The following PXDNL variants were observed in gnomAD, a reference collection of about 807,000 sequenced individuals.
PXDNL encodes the protein probable oxidoreductase PXDNL.
Under a neutral mutation model 150.8 loss-of-function variants are expected in PXDNL, and 145 were observed. The ratio of observed to expected loss-of-function variants is 0.96; its 90% confidence interval spans 0.84 to 1.10. The LOEUF (loss-of-function observed/expected upper bound fraction) is 1.10, where lower values mean the gene tolerates loss of function less well. Among genes scored for constraint, PXDNL ranks in the 50% least tolerant of loss-of-function variants. PXDNL has a pLI of 0.00. For missense variants in PXDNL, 2,087 were observed against 1,873.9 expected (o/e 1.11, Z -2.10); for synonymous variants, 757 against 725.7 (o/e 1.04, Z -0.69).
chr8:51,377,105 T>TACACACACACACACACACACACACAC (rs772419401), intron 17 of PXDNL, among the ~76,000 whole-genome samples: 2 of 140,702 alleles, frequency 1.4e-5, no homozygotes, highest in East Asian at 4.3e-4. Flanking sequence ...CTCTACCCTT[T>TACACACACACACACACACACACACAC]ACACACACAC....
intron 4 of PXDNL, among the ~76,000 whole-genome samples, chr8:51,544,640 CT>C (rs1812313920): frequency 6.6e-6 from 1 of 152,154 alleles, no homozygotes; most frequent in South Asian, 2.1e-4. Flanking sequence ...AAGAATAAGG[CT>C]AACAAATCCT....
chr8:51,536,079 G>A (rs1396885345), intron 4 of PXDNL, among the ~76,000 whole-genome samples: 2 of 152,170 alleles, frequency 1.3e-5, no homozygotes, highest in African/African-American at 4.8e-5. Context: ...ACAGGCACCT[G>A]ACCATCCCAG....
At chr8:51,463,321 G>A (rs1810125717) in intron 8 of PXDNL, among the ~76,000 whole-genome samples, 2 of 152,070 alleles carry the variant, frequency 1.3e-5, no homozygotes, top group African/African-American at 4.8e-5. Flanking sequence ...CCATTAAAAA[G>A]GCACAGAGTG....
chr8:51,523,248 TTATGA>T (rs781556597), intron 4 of PXDNL, among the ~76,000 whole-genome samples: 64 of 152,236 alleles, frequency 4.2e-4, no homozygotes, highest in Non-Finnish European at 8.4e-4. Context: ...ATATTCTCAC[TTATGA>T]TATAATGTTG....
chr8:51,544,131 A>G (rs1214645443), intron 4 of PXDNL, among the ~76,000 whole-genome samples: 1 of 152,218 alleles, frequency 6.6e-6, no homozygotes, highest in African/African-American at 2.4e-5. Context: ...TACCTAATCA[A>G]AAGGTCTTTA....
chr8:51,498,153 C>T (rs909741763), intron 5 of PXDNL, among the ~76,000 whole-genome samples: 1 of 151,832 alleles, frequency 6.6e-6, no homozygotes, highest in African/African-American at 2.4e-5. Flanking sequence ...AAACTGGAAA[C>T]CATCATTCTC....
intron 16 of PXDNL, among the ~76,000 whole-genome samples, chr8:51,411,027 A>G (rs1194603202): frequency 6.6e-6 from 1 of 152,246 alleles, no homozygotes; most frequent in Non-Finnish European, 1.5e-5. Context: ...CTCTATACAT[A>G]TAACTTAAAA....
At chr8:51,550,119 T>C (rs1271311790) in intron 4 of PXDNL, among the ~76,000 whole-genome samples, 1 of 152,094 alleles carries the variant, frequency 6.6e-6, no homozygotes, top group East Asian at 1.9e-4. Flanking sequence ...ACAAACCTCC[T>C]AGATTAAACC....
chr8:51,662,050 G>A (rs4291264), intron 1 of PXDNL, among the ~76,000 whole-genome samples: 100,817 of 151,924 alleles, frequency 0.66, 33,964 homozygotes, highest in Non-Finnish European at 0.72. Context: ...CCAGAAATCA[G>A]TTTAATTCCC....
intron 1 of PXDNL, among the ~76,000 whole-genome samples, chr8:51,698,204 A>C (rs1002172300): frequency 6.6e-6 from 1 of 152,216 alleles, no homozygotes; most frequent in African/African-American, 2.4e-5. Flanking sequence ...TCTTTCATGA[A>C]GAATTTCTCT....
intron 2 of PXDNL, among the ~76,000 whole-genome samples, chr8:51,622,124 CT>C (rs1336341895): frequency 6.6e-6 from 1 of 152,140 alleles, no homozygotes. Context: ...GCTTTGCTGG[CT>C]TCCAAGATGC....
chr8:51,533,627 G>C (rs916187668), intron 4 of PXDNL, among the ~76,000 whole-genome samples: 2 of 150,260 alleles, frequency 1.3e-5, no homozygotes, highest in African/African-American at 5.0e-5. Context: ...CCGAGTGCCT[G>C]CGGACGCCGC....
chr8:51,390,778 G>T (rs1807874000), intron 17 of PXDNL, among the ~76,000 whole-genome samples: 1 of 151,580 alleles, frequency 6.6e-6, no homozygotes, highest in Non-Finnish European at 1.5e-5. Flanking sequence ...AAGTTTTAGG[G>T]TACATGTGCA....
chr8:51,770,724 T>G (rs2037284354), intron 1 of PXDNL, among the ~76,000 whole-genome samples: 1 of 152,220 alleles, frequency 6.6e-6, no homozygotes, highest in Admixed American at 6.5e-5. Context: ...GAGATAGATG[T>G]CTTCATAGCA....
At chr8:51,444,569 CA>C (rs2129909865) in intron 12 of PXDNL, among the ~76,000 whole-genome samples, 1 of 152,228 alleles carries the variant, frequency 6.6e-6, no homozygotes, top group African/African-American at 2.4e-5. Context: ...ACACCTTAGG[CA>C]GAATAAGACT....
chr8:51,629,232 A>G (rs529161963), intron 2 of PXDNL, among the ~76,000 whole-genome samples: 1 of 152,348 alleles, frequency 6.6e-6, no homozygotes, highest in Non-Finnish European at 1.5e-5. Flanking sequence ...GAGATTAAAA[A>G]TATAAAAAGA....
At chr8:51,503,875 T>C (rs1042912260) in intron 4 of PXDNL, among the ~76,000 whole-genome samples, 2 of 152,180 alleles carry the variant, frequency 1.3e-5, no homozygotes, top group Admixed American at 6.5e-5. Flanking sequence ...CCTAAATTCA[T>C]GCACCCAATG....
intron 12 of PXDNL, among the ~76,000 whole-genome samples, chr8:51,440,837 G>A (rs867885569): frequency 6.6e-6 from 1 of 152,136 alleles, no homozygotes; most frequent in Non-Finnish European, 1.5e-5. Flanking sequence ...AGAAGAGTGA[G>A]ATGTGTCCCA....
intron 1 of PXDNL, among the ~76,000 whole-genome samples, chr8:51,760,845 C>CATTTT (rs2037154474): frequency 2.2e-5 from 1 of 45,476 alleles, no homozygotes; most frequent in Non-Finnish European, 3.8e-5. Flanking sequence ...ATCACTTAAA[C>CATTTT]TTTTTTTTTT....
Sources: allele counts gnomAD v4.1 joint callset (sites outside exome capture counted in the v4.1 genomes callset), GRCh38; gene constraint gnomAD v4.1.1; transcripts MANE v1.5; gene names NCBI Gene and HGNC (gene_info 2026-07-23, HGNC 2026-07-21).